Variants in CDK6 observed in about 807,000 individuals in gnomAD.
CDK6 encodes the protein cyclin-dependent kinase 6.
CDK6 carries 6 observed loss-of-function variants against 37.1 expected under a neutral mutation model. The ratio of observed to expected loss-of-function variants is 0.16; its 90% CI spans 0.09 to 0.32. The LOEUF (loss-of-function observed/expected upper bound fraction) is 0.32, where lower values mean the gene tolerates loss of function less well. Among genes scored for constraint, CDK6 ranks in the 10% least tolerant of loss-of-function variants. The pLI, the probability that CDK6 is intolerant of heterozygous loss-of-function variation, is 1.00. For synonymous variants in CDK6, 160 were observed against 161.3 expected (o/e 0.99, Z 0.06); for missense variants, 224 against 418.9 (o/e 0.53, Z 4.06).
At chr7:92,765,978 G>A (rs940856993) in intron 3 of CDK6, among the ~76,000 whole-genome samples, 11 of 152,108 alleles carry the variant, frequency 7.2e-5, no homozygotes, top group East Asian at 1.9e-4. Context: ...CTAGAAGCAA[G>A]CTGGAGGAAC....
intron 3 of CDK6, among the ~76,000 whole-genome samples, chr7:92,755,729 G>A (rs1799300705): frequency 6.6e-6 from 1 of 152,154 alleles, no homozygotes; most frequent in South Asian, 2.1e-4. Context: ...AGCCTCCTAA[G>A]GTATAAGTTG....
rs559582602 is a variant in CDK6 at position 92,668,655 on chromosome 7, T to A, written c.647+2771A>T. On this transcript the variant is annotated intron_variant, in intron 5 of 7. Transcript: ENST00000424848. ...GGATTAGCCTAAAGCAATGAATGAGTCTGCTTTAAGAGCCTATGGCTTGTG... is the reference window on the plus strand; with the variant it reads ...GGATTAGCCTAAAGCAATGAATGAGACTGCTTTAAGAGCCTATGGCTTGTG... 5.3e-5 allele frequency among the ~76,000 whole-genome samples: 8 copies of A among 152,244 alleles called. No individual in the cohort carries two copies. In the South Asian group the frequency reaches 1.7e-3, roughly 32 times the overall value.
chr7:92,675,926 ATTTTCT>A (rs927232297), intron 4 of CDK6, among the ~76,000 whole-genome samples: 9 of 151,634 alleles, frequency 5.9e-5, no homozygotes, highest in African/African-American at 1.9e-4. Flanking sequence ...GGTTATACTG[ATTTTCT>A]TTTTCTTAAT....
At chr7:92,821,082 G>A (rs139172809) in intron 2 of CDK6, among the ~76,000 whole-genome samples, 5 of 152,062 alleles carry the variant, frequency 3.3e-5, no homozygotes, top group African/African-American at 9.6e-5. Context: ...ACAACAAAAC[G>A]TGGCATAATT....
intron 4 of CDK6, among the ~76,000 whole-genome samples, chr7:92,708,968 G>C (rs1461993314): frequency 6.6e-6 from 1 of 152,168 alleles, no homozygotes; most frequent in African/African-American, 2.4e-5. Context: ...ATTATGACCA[G>C]AGACACTTAT....
rs373184273 is a variant in CDK6, at chr7:92,785,235, A to T, written c.234-10404T>A. On this transcript the variant is annotated intron_variant, in intron 2 of 7. Transcript: ENST00000424848. ...AAATGAAGAACAAATACATGCTATG[A>T]CATGGATAAACCTTAAAGGGATTAT... Among the ~76,000 whole-genome samples the T allele has an allele frequency of 2.0e-5, 3 of 152,252 alleles. No individual in the cohort carries two copies. The South Asian group carries it at 6.2e-4, about 32-fold the overall frequency.
rs1795615637 is a variant in CDK6, at chr7:92,613,889, C to G, written c.*1251G>C. ...AGGTTTGCAGAATCGAGGCCATAAA[C>G]CATAAGCTGAGACTGCGAATTTATG... On this transcript the variant is annotated 3_prime_UTR_variant, in exon 8 of 8. Coordinates refer to ENST00000424848, the MANE Select transcript of CDK6 (RefSeq NM_001145306.2). The G allele has an allele frequency of 4.3e-6, 1 of 233,116 alleles. No homozygotes were observed. The highest frequency in any genetic ancestry group is 5.6e-5 in the Admixed American group (1 of 17,782). The allele number at this position is 233,116 out of a possible 1,614,324, so 14.4% of individuals were successfully genotyped here.
chr7:92,822,300 C>T (rs1429866234), intron 2 of CDK6, among the ~76,000 whole-genome samples: 1 of 152,020 alleles, frequency 6.6e-6, no homozygotes, highest in Non-Finnish European at 1.5e-5. Context: ...ATCTCATTGT[C>T]CAATCTACTT....
At chr7:92,717,622 C>T (rs1429780067) in intron 4 of CDK6, among the ~76,000 whole-genome samples, 1 of 152,182 alleles carries the variant, frequency 6.6e-6, no homozygotes, top group Non-Finnish European at 1.5e-5. Context: ...GAACTTCTGG[C>T]TCTTTCTCCG....
chr7:92,770,711 C>T (rs1320967111), intron 3 of CDK6, among the ~76,000 whole-genome samples: 1 of 151,946 alleles, frequency 6.6e-6, no homozygotes, highest in African/African-American at 2.4e-5. Context: ...CCTATGATAT[C>T]TAGTAAGACA....
At chr7:92,810,382 A>G (rs1288373684) in intron 2 of CDK6, among the ~76,000 whole-genome samples, 1 of 152,232 alleles carries the variant, frequency 6.6e-6, no homozygotes, top group Non-Finnish European at 1.5e-5. Flanking sequence ...AACACCCTGG[A>G]GTCAAAAGGC....
chr7:92,644,594 T>A (rs995930119), intron 5 of CDK6, among the ~76,000 whole-genome samples: 1 of 152,148 alleles, frequency 6.6e-6, no homozygotes, highest in African/African-American at 2.4e-5. Context: ...TCCTGATGCA[T>A]GTAATAAGTG....
chr7:92,805,803 A>G (rs1267883805), intron 2 of CDK6, among the ~76,000 whole-genome samples: 1 of 152,146 alleles, frequency 6.6e-6, no homozygotes, highest in Non-Finnish European at 1.5e-5. Context: ...TTCTTGAGCT[A>G]GTTTCAGTGG....
chr7:92,642,408 C>T (rs1027860960), intron 5 of CDK6, among the ~76,000 whole-genome samples: 6 of 152,176 alleles, frequency 3.9e-5, no homozygotes, highest in African/African-American at 1.4e-4. Context: ...GCCCAGCCCA[C>T]TGTGACCTCA....
At chr7:92,802,234 C>G (rs1800598864) in intron 2 of CDK6, among the ~76,000 whole-genome samples, 1 of 152,088 alleles carries the variant, frequency 6.6e-6, no homozygotes. Context: ...ATTCTACACT[C>G]TGCTTCCATG....
chr7:92,758,759 AT>A (rs1339375589), intron 3 of CDK6, among the ~76,000 whole-genome samples: 1 of 152,180 alleles, frequency 6.6e-6, no homozygotes, highest in East Asian at 1.9e-4. Context: ...AATTCTTCCT[AT>A]CCATGAGCAT....
rs1330089679 is a variant in CDK6 at position 92,834,996 on chromosome 7, T to A, written c.-367-1306A>T. 2.0e-5 allele frequency: 3 copies of A among 152,272 alleles called. No homozygotes were observed. Among genetic ancestry groups the A allele is most frequent in the African/African-American group, 4.8e-5 (2 of 41,456 alleles). 9.4% of individuals were successfully genotyped at this position (152,272 alleles called of 1,614,324 possible). ...CAGGACTTTCACCACGACGGCCGCA[T>A]GTCCGGAATTCCCGGGGCACCTCGG... is the stretch of plus-strand genomic sequence containing the variant. On this transcript the variant is annotated intron_variant, in intron 1 of 7. Coordinates refer to ENST00000424848, the MANE Select transcript of CDK6 (RefSeq NM_001145306.2). This position sits in a 1 kb window ranked among gnomAD's most constrained non-coding sequence, Gnocchi z 4.6.
rs1801647153 is a variant in CDK6 at position 92,835,745 on chromosome 7, G to C, written c.-368+733C>G. Among the ~76,000 whole-genome samples, 1 of 152,232 alleles carries C rather than the reference G, an allele frequency of 6.6e-6. No individual in the cohort carries two copies. The highest frequency in any genetic ancestry group is 2.4e-5 in the African/African-American group (1 of 41,466). On this transcript the variant is annotated intron_variant, in intron 1 of 7. Coordinates refer to ENST00000424848, the MANE Select transcript of CDK6 (RefSeq NM_001145306.2). The surrounding 1 kb of genome is among the most constrained non-coding windows in gnomAD (Gnocchi z 4.2). ...ACCGGGGACCGCGACTCCCGCGTGT[G>C]CGCACACGCAGATGCGCCCATATGC...
intron 2 of CDK6, among the ~76,000 whole-genome samples, chr7:92,821,793 G>A (rs1006972865): frequency 1.3e-5 from 2 of 151,554 alleles, no homozygotes; most frequent in Admixed American, 6.6e-5. Context: ...AACCCATTAC[G>A]TGATCACAAT....
Sources: gnomAD v4.1 joint callset for allele counts (sites outside exome capture counted in the v4.1 genomes callset) on GRCh38, gnomAD v4.1.1 for gene constraint, Gnocchi (gnomAD v3.1) non-coding constraint, MANE v1.5 for transcripts, NCBI Gene and HGNC (gene_info 2026-07-23, HGNC 2026-07-21) for gene names.